The following WDR49 variants were observed in gnomAD, a reference collection of about 807,000 sequenced individuals.
WDR49 encodes cilia- and flagella-associated protein 337.
Under a neutral mutation model 119.5 loss-of-function variants are expected in WDR49, and 107 were observed. That is an observed-to-expected ratio of 0.90 (90% CI 0.77 to 1.05). The LOEUF is 1.05. Among genes scored for constraint, WDR49 ranks in the 50% least tolerant of loss-of-function variants. The pLI is 0.00. For missense variants in WDR49, 1,240 were observed against 1,220.5 expected, an observed-to-expected ratio of 1.02 and a Z score of -0.24; for synonymous variants, 425 against 418.8, an observed-to-expected ratio of 1.01 and a Z score of -0.18.
chr3:167,541,184 T>C (rs1006554682), intron 10 of WDR49, among the ~76,000 whole-genome samples: 2 of 151,948 alleles, frequency 1.3e-5, no homozygotes, highest in African/African-American at 2.4e-5. Context: ...AACATCCAAA[T>C]ACAAGAAGCT....
intron 17 of WDR49, among the ~76,000 whole-genome samples, chr3:167,504,150 A>C (rs985821148): frequency 6.6e-6 from 1 of 152,176 alleles, no homozygotes; most frequent in Non-Finnish European, 1.5e-5. Flanking sequence ...CCACTGGGGC[A>C]CTGCCTAGTG....
chr3:167,603,061 G>A (rs1011150742), intron 6 of WDR49, among the ~76,000 whole-genome samples: 2 of 152,068 alleles, frequency 1.3e-5, no homozygotes, highest in Non-Finnish European at 2.9e-5. Context: ...AGCAATGCAC[G>A]ACTGTATGTG....
chr3:167,536,992 G>GT lies in WDR49; in HGVS notation c.1831dup (p.Thr611AsnfsTer16). 6.3e-7 allele frequency: 1 copy of GT among 1,577,840 alleles called. No individual in the cohort carries two copies. The highest frequency in any genetic ancestry group is 8.6e-7 in the Non-Finnish European group (1 of 1,163,862). ...ATTGAAGTTTTGGGGTCGAAACACA[G>GT]TAATAGCCCTAGCAAAAAGGATATA... On this transcript the variant is annotated frameshift_variant, in exon 11 of 19. Transcript: ENST00000682715. LOFTEE classifies it high-confidence loss of function.
At chr3:167,497,451 A>G (rs1177704750) in intron 18 of WDR49, among the ~76,000 whole-genome samples, 1 of 152,146 alleles carries the variant, frequency 6.6e-6, no homozygotes, top group African/African-American at 2.4e-5. Flanking sequence ...TCTCTTTGAG[A>G]ATTTATTAGA....
At position 167,483,372 on chromosome 3, in the gene WDR49, G is replaced by A. The variant is rs369058367; in HGVS notation, c.3032-4376C>T. On this transcript the variant is annotated intron_variant, in intron 18 of 18. Coordinates refer to ENST00000682715, the MANE Select transcript of WDR49 (RefSeq NM_001366157.1). ...TTTATTGAGATTTGTCTCTCAACTA[G>A]ACGACAAATTTTCATTGTAATTGAC... 9.9e-5 allele frequency among the ~76,000 whole-genome samples: 15 copies of A among 152,250 alleles called. No individual in the cohort carries two copies. In the East Asian group the frequency reaches 1.7e-3, roughly 18 times the overall value.
chr3:167,525,956 T>A (rs1245245769), intron 15 of WDR49, among the ~76,000 whole-genome samples: 1 of 151,616 alleles, frequency 6.6e-6, no homozygotes, highest in Non-Finnish European at 1.5e-5. Flanking sequence ...CACTCTTTGC[T>A]CTACATCTTG....
At chr3:167,537,841 G>A (rs1711560076) in intron 10 of WDR49, among the ~76,000 whole-genome samples, 1 of 152,060 alleles carries the variant, frequency 6.6e-6, no homozygotes, top group Admixed American at 6.6e-5. Context: ...TGCAACCAAA[G>A]TTATGGGGTC....
intron 7 of WDR49, among the ~76,000 whole-genome samples, chr3:167,581,765 A>C (rs1714541627): frequency 6.6e-6 from 1 of 152,210 alleles, no homozygotes; most frequent in African/African-American, 2.4e-5. Flanking sequence ...GAATGGATAG[A>C]AAATCTATTT....
At chr3:167,479,724 G>T (rs907194667) in intron 18 of WDR49, among the ~76,000 whole-genome samples, 1 of 151,836 alleles carries the variant, frequency 6.6e-6, no homozygotes, top group Non-Finnish European at 1.5e-5. Context: ...CATTCCAAGA[G>T]AATATAAGCA....
intron 8 of WDR49, among the ~76,000 whole-genome samples, chr3:167,572,142 G>A (rs1713971559): frequency 6.6e-6 from 1 of 152,168 alleles, no homozygotes; most frequent in South Asian, 2.1e-4. Context: ...ATATTGGATT[G>A]CTTTAATTCT....
At chr3:167,651,692 T>G (rs1233515518) in intron 2 of WDR49, among the ~76,000 whole-genome samples, 4 of 152,202 alleles carry the variant, frequency 2.6e-5, no homozygotes, top group African/African-American at 9.6e-5. Context: ...CTTCTCCTCT[T>G]TGGTCCATTA....
intron 2 of WDR49, among the ~76,000 whole-genome samples, chr3:167,630,675 G>A (rs953625740): frequency 1.3e-5 from 2 of 152,100 alleles, no homozygotes; most frequent in South Asian, 2.1e-4. Context: ...CTTGCTGTTC[G>A]TGGTAGCTAT....
intron 8 of WDR49, among the ~76,000 whole-genome samples, chr3:167,566,313 C>T (rs947351404): frequency 1.3e-5 from 2 of 152,100 alleles, no homozygotes; most frequent in Non-Finnish European, 2.9e-5. Context: ...TTATTTGTAA[C>T]AAAAACTGCT....
intron 11 of WDR49, among the ~76,000 whole-genome samples, chr3:167,533,975 G>A (rs1007573974): frequency 1.1e-4 from 16 of 151,906 alleles, no homozygotes; most frequent in African/African-American, 3.6e-4. Context: ...AGATCAGGAG[G>A]TCAGGAGTTC....
rs765935002 is a variant in WDR49 at position 167,604,446 on chromosome 3, G to A, written c.981C>T (p.Asp327=). 3.0e-5 allele frequency: 49 copies of A among 1,611,264 alleles called. No individual in the cohort carries two copies. The highest frequency in any genetic ancestry group is 1.4e-4 in the South Asian group (13 of 90,684). The change falls in exon 6 of 19, where the codon GAC becomes GAT. Residue 327 remains aspartate (D), a synonymous_variant. Transcript: ENST00000682715. ...VRQVTYNASL[D]AIISSTTSNT... ...TGCTGGTTGTACTGGAAATGATAGC[G>A]TCTAAAGATGCATTGTAAGTAACTG...
chr3:167,621,503 A>G lies in WDR49; in HGVS notation c.747T>C (p.Asn249=). Residue 249 remains asparagine (N), a synonymous_variant, in exon 4 of 19, where the codon AAT becomes AAC. Coordinates refer to ENST00000682715, the MANE Select transcript of WDR49 (RefSeq NM_001366157.1). ...TATCCCCAAAAGAAAGAATTGATTC[A>G]TTGGCATCAAGAGGATCATACCAAT... ...MDYWYDPLDA[N]ESILSFGDIT... is the part of the protein sequence containing the mutation. 1 of 1,534,820 alleles carries G rather than the reference A, an allele frequency of 6.5e-7. No homozygotes were observed. Among genetic ancestry groups the G allele is most frequent in the Non-Finnish European group, 8.7e-7 (1 of 1,146,142 alleles).
At chr3:167,551,824 C>T (rs906005713) in intron 10 of WDR49, among the ~76,000 whole-genome samples, 1 of 151,658 alleles carries the variant, frequency 6.6e-6, no homozygotes, top group South Asian at 2.1e-4. Flanking sequence ...ACAAATATCA[C>T]CAAGTATCTA....
At chr3:167,616,623 A>T (rs377352264) in intron 5 of WDR49, among the ~76,000 whole-genome samples, 1 of 150,440 alleles carries the variant, frequency 6.6e-6, no homozygotes, top group African/African-American at 2.5e-5. Context: ...GAGTCCTATT[A>T]AAAAAAAGAG....
chr3:167,486,602 A>T (rs775447236), intron 18 of WDR49, among the ~76,000 whole-genome samples: 4 of 152,148 alleles, frequency 2.6e-5, no homozygotes, highest in Non-Finnish European at 5.9e-5. Flanking sequence ...AGGGGTCCCT[A>T]TTCTTAAATC....
Sources: gnomAD v4.1 joint callset for allele counts (sites outside exome capture counted in the v4.1 genomes callset) on GRCh38, gnomAD v4.1.1 for gene constraint, MANE v1.5 for transcripts, NCBI Gene and HGNC (gene_info 2026-07-23, HGNC 2026-07-21) for gene names.